C13orf42: variants seen among roughly 807,000 people sequenced by gnomAD.
C13orf42 encodes the protein chromosome 13 open reading frame 42, also known as uncharacterized protein C13orf42.
chr13:51,085,920 G>A (rs916049610), intron 2 of C13orf42, among the ~76,000 whole-genome samples: 3 of 152,014 alleles, frequency 2.0e-5, no homozygotes, highest in Admixed American at 6.6e-5. Context: ...GTAGTGGCAG[G>A]TGCCTATAAT....
At chr13:51,138,054 C>A (rs1293818171) in intron 1 of C13orf42, among the ~76,000 whole-genome samples, 1 of 152,142 alleles carries the variant, frequency 6.6e-6, no homozygotes, top group Non-Finnish European at 1.5e-5. Flanking sequence ...ACTTCCAGGG[C>A]CCTCCTTTCC....
intron 1 of C13orf42, among the ~76,000 whole-genome samples, chr13:51,140,446 G>T (rs1057103621): frequency 8.5e-5 from 13 of 152,108 alleles, no homozygotes; most frequent in African/African-American, 3.1e-4. Context: ...AATTTTCGGG[G>T]TTCATATTTT....
intron 1 of C13orf42, among the ~76,000 whole-genome samples, chr13:51,169,877 T>C (rs916125429): frequency 3.9e-5 from 6 of 152,240 alleles, no homozygotes; most frequent in Non-Finnish European, 2.9e-5. Flanking sequence ...GTCAGGCCTC[T>C]GAGCCCAAGC....
At chr13:51,134,462 G>C (rs563653079) in intron 1 of C13orf42, among the ~76,000 whole-genome samples, 1 of 152,236 alleles carries the variant, frequency 6.6e-6, no homozygotes, top group Non-Finnish European at 1.5e-5. Context: ...CCGTTACAGA[G>C]TGTAGAGTCA....
chr13:51,111,679 G>A (rs1270491087), upstream of C13orf42, among the ~76,000 whole-genome samples: 3 of 152,300 alleles, frequency 2.0e-5, no homozygotes, highest in East Asian at 3.9e-4. Context: ...AGCTGACTCC[G>A]GTTCTGAATT....
chr13:51,085,966 G>A (rs1469274738), intron 2 of C13orf42, among the ~76,000 whole-genome samples: 2 of 151,948 alleles, frequency 1.3e-5, no homozygotes, highest in Admixed American at 6.6e-5. Context: ...GCAATGAGCC[G>A]AGACTGTACC....
At chr13:51,121,070 T>G (rs1286173867) in intron 1 of C13orf42, among the ~76,000 whole-genome samples, 1 of 152,036 alleles carries the variant, frequency 6.6e-6, no homozygotes, top group African/African-American at 2.4e-5. Context: ...CCCCTGGTGG[T>G]TGGGTTTTAA....
At chr13:51,090,336 C>T (rs1320253205) in intron 1 of C13orf42, among the ~76,000 whole-genome samples, 1 of 152,148 alleles carries the variant, frequency 6.6e-6, no homozygotes, top group African/African-American at 2.4e-5. Context: ...GGTCTCATTA[C>T]CTAACCTAAG....
At position 51,157,539 on chromosome 13, in the gene C13orf42, G is replaced by A. The variant is rs189629559; in HGVS notation, n.136+14714C>T. On this transcript the variant is annotated intron_variant and non_coding_transcript_variant, in intron 1 of 4. Transcript: ENST00000433280. The stretch of plus-strand genomic sequence containing the variant: ...TGCCTTAGGTTCATTTTGCCTGCTC[G>A]TGAACTTTGTAGACATGGCTGGATT... Among the ~76,000 whole-genome samples, 5 of 152,308 alleles carry A rather than the reference G, an allele frequency of 3.3e-5. No individual in the cohort carries two copies. In the East Asian group the frequency reaches 9.6e-4, roughly 29 times the overall value.
intron 1 of C13orf42, among the ~76,000 whole-genome samples, chr13:51,153,630 CTTTTT>C (rs1206289963): frequency 1.2e-5 from 1 of 81,202 alleles, no homozygotes; most frequent in African/African-American, 4.7e-5. Context: ...TGTTTTTTTT[CTTTTT>C]TTTTTTTTTT....
intron 1 of C13orf42, among the ~76,000 whole-genome samples, chr13:51,140,468 G>A (rs559102884): frequency 4.6e-5 from 7 of 152,148 alleles, no homozygotes; most frequent in African/African-American, 1.7e-4. Flanking sequence ...GTAACCATGG[G>A]GGGATTCTGA....
chr13:51,089,486 T>C (rs1237267308), intron 1 of C13orf42, among the ~76,000 whole-genome samples: 1 of 152,000 alleles, frequency 6.6e-6, no homozygotes, highest in Non-Finnish European at 1.5e-5. Context: ...TGAGTTCTCA[T>C]GAGATCTGAT....
At chr13:51,150,465 T>C (rs1953769811) in intron 1 of C13orf42, among the ~76,000 whole-genome samples, 1 of 152,196 alleles carries the variant, frequency 6.6e-6, no homozygotes, top group Non-Finnish European at 1.5e-5. Flanking sequence ...TTTAAGAAAG[T>C]TGCTTCTGTT....
intron 1 of C13orf42, among the ~76,000 whole-genome samples, chr13:51,117,414 G>A (rs1953500131): frequency 6.6e-6 from 1 of 152,128 alleles, no homozygotes; most frequent in East Asian, 1.9e-4. Context: ...ACAAATTCAG[G>A]GACTGAGCCT....
chr13:51,084,135 A>G lies in C13orf42; in HGVS notation c.*16T>C. 2.5e-6 allele frequency: 1 copy of G among 398,720 alleles called. No homozygotes were observed. Among genetic ancestry groups the G allele is most frequent in the Non-Finnish European group, 4.4e-6 (1 of 226,116 alleles). 24.7% of individuals were successfully genotyped at this position (398,720 alleles called of 1,614,324 possible). On this transcript the variant is annotated 3_prime_UTR_variant, in exon 4 of 4. Transcript: ENST00000563710. ...CAGGGACCCAGTCTGAGACACGTCA[A>G]GGAATCCAGATGGAGTCAGGGCACC...
chr13:51,113,506 T>G (rs1012631758), upstream of C13orf42, among the ~76,000 whole-genome samples: 1 of 152,234 alleles, frequency 6.6e-6, no homozygotes, highest in Non-Finnish European at 1.5e-5. Context: ...TTAGATTTTC[T>G]CACAGCCTCA....
At chr13:51,159,140 C>T (rs180830813) in intron 1 of C13orf42, among the ~76,000 whole-genome samples, 129 of 152,284 alleles carry the variant, frequency 8.5e-4, no homozygotes, top group Middle Eastern at 6.8e-3. Flanking sequence ...TTCCCCACCA[C>T]CCCCACCAAT....
intron 1 of C13orf42, chr13:51,161,733 T>C (rs765962295): frequency 3.2e-5 from 8 of 249,944 alleles, no homozygotes; most frequent in Admixed American, 9.7e-5. Flanking sequence ...ATCTGCAACA[T>C]TCTGACCCAT....
intron 1 of C13orf42, among the ~76,000 whole-genome samples, chr13:51,091,524 G>C (rs1386379877): frequency 6.6e-6 from 1 of 152,160 alleles, no homozygotes; most frequent in Non-Finnish European, 1.5e-5. Context: ...TCCCAGTCCT[G>C]AGAGTGATAA....
Sources: allele counts gnomAD v4.1 joint callset (sites outside exome capture counted in the v4.1 genomes callset), GRCh38; gene constraint gnomAD v4.1.1; transcripts MANE v1.5; gene names NCBI Gene and HGNC (gene_info 2026-07-23, HGNC 2026-07-21).